The following NHSL1 variants were observed in gnomAD, a reference collection of about 807,000 sequenced individuals.
NHSL1 encodes the protein NHS like 1.
NHSL1 carries 48 observed loss-of-function variants against 95.0 expected under a neutral mutation model. That is an observed-to-expected ratio of 0.51 (90% CI 0.40 to 0.64). The LOEUF (loss-of-function observed/expected upper bound fraction) is 0.64, where lower values mean the gene tolerates loss of function less well. Among genes scored for constraint, NHSL1 ranks in the 30% least tolerant of loss-of-function variants. The pLI is 0.00. For missense variants in NHSL1, 1,971 were observed against 2,077.7 expected, an observed-to-expected ratio of 0.95 and a Z score of 1.00; for synonymous variants, 783 against 833.9, an observed-to-expected ratio of 0.94 and a Z score of 1.05.
intron 3 of NHSL1, among the ~76,000 whole-genome samples, chr6:138,471,769 A>G (rs1778766478): frequency 2.0e-5 from 3 of 152,258 alleles, no homozygotes; most frequent in Admixed American, 2.0e-4. Context: ...CGTAAAAAAA[A>G]AGGTAAGCAC....
At chr6:138,669,784 G>T (rs1463991607) in intron 1 of NHSL1, among the ~76,000 whole-genome samples, 1 of 152,098 alleles carries the variant, frequency 6.6e-6, no homozygotes, top group Non-Finnish European at 1.5e-5. Context: ...AGAGTAGAGG[G>T]GTCTTCTTTG....
chr6:138,470,301 A>AT (rs1778668127), intron 3 of NHSL1, among the ~76,000 whole-genome samples: 1 of 152,028 alleles, frequency 6.6e-6, no homozygotes, highest in Non-Finnish European at 1.5e-5. Context: ...TTTTATTTTT[A>AT]TTTTTTGAGA....
chr6:138,434,783 C>T (rs1775964657), intron 5 of NHSL1, among the ~76,000 whole-genome samples: 1 of 152,132 alleles, frequency 6.6e-6, no homozygotes, highest in South Asian at 2.1e-4. Context: ...GATGGGGTTT[C>T]TAAGGCTTCC....
chr6:138,479,171 G>C (rs1779268246), intron 2 of NHSL1, among the ~76,000 whole-genome samples: 1 of 152,146 alleles, frequency 6.6e-6, no homozygotes, highest in Admixed American at 6.5e-5. Flanking sequence ...GATAATGTTT[G>C]AGGTGTGACA....
At chr6:138,579,197 C>T (rs1354176238) in intron 1 of NHSL1, among the ~76,000 whole-genome samples, 1 of 152,226 alleles carries the variant, frequency 6.6e-6, no homozygotes, top group Non-Finnish European at 1.5e-5. Context: ...CCGCCTGGTT[C>T]CTAATAGGCC....
intron 3 of NHSL1, among the ~76,000 whole-genome samples, chr6:138,466,333 G>A (rs142216339): frequency 0.014 from 2,187 of 152,064 alleles, 24 homozygotes; most frequent in Middle Eastern, 0.041. Context: ...GAGCCACCAC[G>A]CCTGGCCACT....
chr6:138,616,719 G>T (rs905639191), intron 1 of NHSL1, among the ~76,000 whole-genome samples: 3 of 152,152 alleles, frequency 2.0e-5, no homozygotes, highest in African/African-American at 7.2e-5. Flanking sequence ...GCCAGAACAG[G>T]TCTTGCTAGA....
At chr6:138,598,808 A>G (rs116165972) in intron 1 of NHSL1, among the ~76,000 whole-genome samples, 1,766 of 152,238 alleles carry the variant, frequency 0.012, 27 homozygotes, top group African/African-American at 0.041. Context: ...CAATCCCACT[A>G]ATACTGAATG....
chr6:138,564,667 A>T (rs904582447), intron 1 of NHSL1, among the ~76,000 whole-genome samples: 1 of 151,608 alleles, frequency 6.6e-6, no homozygotes, highest in Non-Finnish European at 1.5e-5. Flanking sequence ...AAAAAAAAAT[A>T]AGATTGAGTC....
intron 1 of NHSL1, among the ~76,000 whole-genome samples, chr6:138,519,021 A>G (rs1781566136): frequency 6.6e-6 from 1 of 152,036 alleles, no homozygotes; most frequent in African/African-American, 2.4e-5. Flanking sequence ...CTGTCTCAAA[A>G]ATAAATGAAT....
chr6:138,602,759 G>C (rs1203319765), intron 1 of NHSL1, among the ~76,000 whole-genome samples: 2 of 152,116 alleles, frequency 1.3e-5, no homozygotes, highest in African/African-American at 4.8e-5. Context: ...ATTTCCCATG[G>C]ATAAAGAGAA....
chr6:138,608,988 A>G (rs564968405), intron 1 of NHSL1, among the ~76,000 whole-genome samples: 1 of 152,360 alleles, frequency 6.6e-6, no homozygotes, highest in East Asian at 1.9e-4. Flanking sequence ...GAGTATTTGT[A>G]ACTCCATGAA....
At chr6:138,543,097 C>T (rs770383520) in intron 1 of NHSL1, among the ~76,000 whole-genome samples, 1 of 152,166 alleles carries the variant, frequency 6.6e-6, no homozygotes, top group African/African-American at 2.4e-5. Flanking sequence ...GTGAATGGTA[C>T]ACATGGTAGT....
intron 1 of NHSL1, among the ~76,000 whole-genome samples, chr6:138,676,635 A>G (rs1785452624): frequency 6.6e-6 from 1 of 152,110 alleles, no homozygotes; most frequent in Admixed American, 6.5e-5. Flanking sequence ...CCATGTTCTA[A>G]TGCCTCCACT....
chr6:138,533,171 A>AT (rs1373074122), intron 1 of NHSL1, among the ~76,000 whole-genome samples: 13 of 152,228 alleles, frequency 8.5e-5, no homozygotes. Context: ...ACAAAGAAAT[A>AT]GATACAGGGG....
At chr6:138,456,014 T>G (rs186972362) in intron 3 of NHSL1, among the ~76,000 whole-genome samples, 53 of 152,350 alleles carry the variant, frequency 3.5e-4, no homozygotes, top group Non-Finnish European at 7.3e-4. Context: ...CATCTGAGCA[T>G]CTAGTCTGTG....
rs1312941641 is a variant in NHSL1 at position 138,499,301 on chromosome 6, C to T, written c.-11G>A. On this transcript the variant is annotated 5_prime_UTR_variant, in exon 1 of 8. It adds an upstream start codon to the 5' untranslated region. Transcript: ENST00000343505. ...AATGAAGACCACCATTTCCAGGGCA[C>T]CTACATAGAGCTTAGAAATGTAAAT... is the stretch of plus-strand genomic sequence containing the variant. The T allele has an allele frequency of 6.4e-7, 1 of 1,550,628 alleles. No individual in the cohort carries two copies. The highest frequency in any genetic ancestry group is 1.2e-5 in the South Asian group (1 of 84,040).
upstream of NHSL1, among the ~76,000 whole-genome samples, chr6:138,548,501 C>T (rs1328824194): frequency 6.6e-6 from 1 of 152,168 alleles, no homozygotes; most frequent in Non-Finnish European, 1.5e-5. Context: ...TTTTTAAGTT[C>T]ATCAGCTATC....
At chr6:138,502,271 C>T (rs1186229019), upstream of NHSL1, among the ~76,000 whole-genome samples, 1 of 152,176 alleles carries the variant, frequency 6.6e-6, no homozygotes, top group Non-Finnish European at 1.5e-5. Flanking sequence ...CAATCAATTG[C>T]CAGCTCTTAC....
Sources: allele counts gnomAD v4.1 joint callset (sites outside exome capture counted in the v4.1 genomes callset), GRCh38; gene constraint gnomAD v4.1.1; transcripts MANE v1.5; gene names NCBI Gene and HGNC (gene_info 2026-07-23, HGNC 2026-07-21).